Variants in CD36 observed in about 807,000 individuals in gnomAD.
CD36 encodes the protein platelet glycoprotein 4.
A neutral mutation model predicts 55.2 loss-of-function variants in CD36; 119 were observed. That is an observed-to-expected ratio of 2.15 (90% CI 1.86 to 2.51). CD36 has a LOEUF of 2.51. CD36 is among the 30% of genes most tolerant of loss of function. The pLI is 0.00. For missense variants in CD36, 819 were observed against 555.5 expected (o/e 1.47, Z -4.77); for synonymous variants, 186 against 193.6 (o/e 0.96, Z 0.33).
At chr7:80,648,484 T>G (rs1222563784) in intron 3 of CD36, among the ~76,000 whole-genome samples, 1 of 152,166 alleles carries the variant, frequency 6.6e-6, no homozygotes, top group Non-Finnish European at 1.5e-5. Flanking sequence ...TAGATTCTTT[T>G]GAATAGCATG....
intron 5 of CD36, 136 bp downstream of exon 5, chr7:80,661,346 T>G (rs539913019): frequency 1.2e-6 from 1 of 806,802 alleles, no homozygotes; most frequent in South Asian, 1.6e-5. Context: ...TTATTTTGAA[T>G]GGAGGCATGG....
intron 1 of CD36, among the ~76,000 whole-genome samples, chr7:80,617,383 A>T (rs1237518495): frequency 2.0e-5 from 3 of 148,896 alleles, no homozygotes; most frequent in African/African-American, 7.4e-5. Flanking sequence ...CTTAAAAGTT[A>T]AAAAAAAAAT....
Position 80,673,344 on chromosome 7 carries a change from G to GTATATTACAGAGTATT in CD36, c.1200-10_1205dup, listed in dbSNP as rs745540925. 1.6e-6 allele frequency: 2 copies of GTATATTACAGAGTATT among 1,245,278 alleles called. No individual in the cohort carries two copies. Among genetic ancestry groups the GTATATTACAGAGTATT allele is most frequent in the Non-Finnish European group, 2.3e-6 (2 of 853,324 alleles). 77.1% of individuals were successfully genotyped at this position (1,245,278 alleles called of 1,614,324 possible). On this transcript the variant is annotated splice_polypyrimidine_tract_variant and intron_variant, in intron 12 of 14. Coordinates refer to ENST00000447544, the MANE Select transcript of CD36 (RefSeq NM_001001548.3). ...TTATATGTTCATAATTATTTTCAAC[G>GTATATTACAGAGTATT]TATATTACAGAGTATTAAAGAATCT...
chr7:80,661,003 T>G, intron 4 of CD36, 60 bp from the exon 5 acceptor site: 201 of 1,188,158 alleles, frequency 1.7e-4, no homozygotes, highest in Non-Finnish European at 2.4e-4. Context: ...GAATGACATT[T>G]GAGATCTAAT....
intron 1 of CD36, among the ~76,000 whole-genome samples, chr7:80,629,284 T>G (rs190758490): frequency 2.6e-5 from 4 of 152,122 alleles, no homozygotes; most frequent in Admixed American, 2.6e-4. Flanking sequence ...GCAGCATGGC[T>G]GTAGGCTTCC....
upstream of CD36, among the ~76,000 whole-genome samples, chr7:80,638,347 A>G (rs1794564073): frequency 6.6e-6 from 1 of 151,670 alleles, no homozygotes; most frequent in Admixed American, 6.6e-5. Context: ...GAAACTCAGC[A>G]AGTCAGTTCC....
intron 1 of CD36, among the ~76,000 whole-genome samples, chr7:80,631,294 C>G (rs2116099727): frequency 6.6e-6 from 1 of 152,100 alleles, no homozygotes; most frequent in Non-Finnish European, 1.5e-5. Context: ...TAGACACTTT[C>G]ATAAAGGCAG....
intron 1 of CD36, among the ~76,000 whole-genome samples, chr7:80,614,158 G>C (rs1332877772): frequency 6.6e-6 from 1 of 152,028 alleles, no homozygotes; most frequent in Non-Finnish European, 1.5e-5. Context: ...TAAACTACTT[G>C]TATAAATTAT....
At chr7:80,629,683 A>G (rs964417523) in intron 1 of CD36, among the ~76,000 whole-genome samples, 1 of 152,050 alleles carries the variant, frequency 6.6e-6, no homozygotes, top group Non-Finnish European at 1.5e-5. Context: ...ACTTAAGCAT[A>G]TTGAATTAGC....
intron 8 of CD36, 30 bp downstream of exon 8, chr7:80,666,519 G>A: frequency 4.5e-6 from 7 of 1,543,110 alleles, no homozygotes; most frequent in Non-Finnish European, 6.3e-6. Flanking sequence ...GGTCATCACA[G>A]TTAATCCACC....
intron 11 of CD36, 136 bp downstream of exon 11, chr7:80,672,176 C>A: frequency 1.4e-6 from 1 of 726,370 alleles, no homozygotes; most frequent in Non-Finnish European, 2.2e-6. Flanking sequence ...GTTACTGAAA[C>A]TTAGGTCGAT....
chr7:80,657,841 C>G (rs1003693664), intron 4 of CD36, among the ~76,000 whole-genome samples: 1 of 152,148 alleles, frequency 6.6e-6, no homozygotes, highest in Non-Finnish European at 1.5e-5. Context: ...ATGATTAGTT[C>G]TCATCACAAA....
In CD36 at chr7:80,664,406, TACA is replaced by T. The variant is rs1185635771; in HGVS notation, c.615_617del (p.Asn206del). 6 of 1,502,970 alleles carry T rather than the reference TACA, an allele frequency of 4.0e-6. No individual in the cohort carries two copies. The highest frequency in any genetic ancestry group is 3.4e-5 in the South Asian group (3 of 88,860). The allele number at this position is 1,502,970 out of a possible 1,614,324, so 93.1% of individuals were successfully genotyped here. A position where few individuals can be genotyped will look rare whatever the true frequency, so the allele number is the denominator to read the frequency against. ...ACATTTTCCCATACATATATTTCAG[TACA>T]ACAATACTGCAGATGGAGTTTATAA... On this transcript the variant is annotated inframe_deletion and splice_region_variant, in exon 7 of 15. Transcript: ENST00000447544.
rs769161647 is a variant in CD36, at chr7:80,673,941, A to G, written c.1255-42A>G. On this transcript the variant is annotated intron_variant, in intron 13 of 14. Transcript: ENST00000447544. ...GCAATTGAAGGGTTTATTTTGTTTT[A>G]CTAACGTACCCAAATAATGTTGATT... The G allele has an allele frequency of 2.0e-6, 3 of 1,506,648 alleles. No homozygotes were observed. The African/African-American group carries it at 4.1e-5, about 21-fold the overall frequency. 93.3% of individuals were successfully genotyped at this position (1,506,648 alleles called of 1,614,324 possible). A position where few individuals can be genotyped will look rare whatever the true frequency, so the allele number is the denominator to read the frequency against.
At chr7:80,670,179 A>ATTT in intron 9 of CD36, 157 bp downstream of exon 9, 1 of 537,398 alleles carries the variant, frequency 1.9e-6, no homozygotes, top group Non-Finnish European at 3.3e-6. Context: ...AATAGTACAA[A>ATTT]TTTTTTTTTT....
intron 1 of CD36, among the ~76,000 whole-genome samples, chr7:80,603,199 G>A (rs897569600): frequency 1.3e-5 from 2 of 151,928 alleles, no homozygotes; most frequent in African/African-American, 4.8e-5. Flanking sequence ...GTCAACTTAA[G>A]TTATGCATAT....
At chr7:80,644,147 A>G (rs756937768) in intron 1 of CD36, among the ~76,000 whole-genome samples, 1 of 152,202 alleles carries the variant, frequency 6.6e-6, no homozygotes, top group Non-Finnish European at 1.5e-5. Context: ...TACCAGCATT[A>G]AATTACTCAT....
chr7:80,673,404 A>C lies in CD36; in HGVS notation c.1249A>C (p.Asn417His). The change falls in exon 13 of 15, where the codon AAT (asparagine) becomes CAT (histidine). Residue 417 changes from asparagine to histidine, a missense_variant. Coordinates refer to ENST00000447544, the MANE Select transcript of CD36 (RefSeq NM_001001548.3). ...CTATATTGTGCCTATTCTTTGGCTT[A>C]ATGAGGTTTGTATTTGCAGCTGTTA... ...RNYIVPILWL[N>H]ETGTIGDEKA... The C allele has an allele frequency of 6.4e-7, 1 of 1,564,564 alleles. No individual in the cohort carries two copies. The highest frequency in any genetic ancestry group is 1.1e-5 in the South Asian group (1 of 89,994).
intron 1 of CD36, chr7:80,626,053 A>C (rs10265780): frequency 1.3e-5 from 2 of 151,756 alleles, no homozygotes; most frequent in Non-Finnish European, 2.9e-5. Context: ...TGGTAGCACA[A>C]ATTTTTGTAT....
Sources: allele counts gnomAD v4.1 joint callset (sites outside exome capture counted in the v4.1 genomes callset), GRCh38; gene constraint gnomAD v4.1.1; transcripts MANE v1.5; gene names NCBI Gene and HGNC (gene_info 2026-07-23, HGNC 2026-07-21).